Variants in ADK observed in about 807,000 individuals in gnomAD.
ADK encodes N6,N6-dimethyladenosine kinase.
ADK carries 24 observed loss-of-function variants against 44.7 expected under a neutral mutation model. The observed-to-expected ratio is 0.54, with a 90% CI of 0.39 to 0.76. The LOEUF (loss-of-function observed/expected upper bound fraction) is 0.76, where lower values mean the gene tolerates loss of function less well. ADK is among the 30% of genes least tolerant of loss of function. ADK has a pLI of 0.00. For missense variants in ADK, 321 were observed against 425.1 expected (o/e 0.76, Z 2.15); for synonymous variants, 128 against 142.6 (o/e 0.90, Z 0.73).
intron 9 of ADK, among the ~76,000 whole-genome samples, chr10:74,635,196 G>T (rs529503324): frequency 6.6e-6 from 1 of 152,278 alleles, no homozygotes; most frequent in South Asian, 2.1e-4. Context: ...CATTTAATTA[G>T]ACTACTACTG....
chr10:74,260,245 T>G (rs538187089), intron 3 of ADK, among the ~76,000 whole-genome samples: 1 of 152,264 alleles, frequency 6.6e-6, no homozygotes, highest in African/African-American at 2.4e-5. Context: ...TGTAGTAGAA[T>G]TATAGATTCT....
chr10:74,608,564 C>T (rs533999700), intron 9 of ADK, among the ~76,000 whole-genome samples: 2 of 152,232 alleles, frequency 1.3e-5, no homozygotes, highest in African/African-American at 4.8e-5. Flanking sequence ...GCAGAGGCTG[C>T]AGAACAGCAA....
rs565784829 is a variant in ADK at position 74,469,227 on chromosome 10, T to C, written c.556-56029T>C. Among the ~76,000 whole-genome samples the C allele has an allele frequency of 4.6e-5, 7 of 152,250 alleles. No individual in the cohort carries two copies. In the East Asian group the frequency reaches 9.7e-4, roughly 21 times the overall value. ...GATAGTGCGCACTTGTAGTCTGAGC[T>C]ACTCGGGAGGCTAAGGTGAGAAAAT... is the stretch of plus-strand genomic sequence containing the variant. On this transcript the variant is annotated intron_variant, in intron 6 of 10. Transcript: ENST00000539909.
intron 2 of ADK, among the ~76,000 whole-genome samples, chr10:74,220,966 G>A (rs990926566): frequency 1.3e-5 from 2 of 150,876 alleles, no homozygotes; most frequent in African/African-American, 4.9e-5. Flanking sequence ...GCACAAGACA[G>A]GGATGCCCTC....
At chr10:74,383,130 G>GTAA (rs960867768) in intron 4 of ADK, among the ~76,000 whole-genome samples, 30 of 151,556 alleles carry the variant, frequency 2.0e-4, no homozygotes, top group Non-Finnish European at 1.6e-4. Flanking sequence ...AATTACAACA[G>GTAA]TAATAATAAT....
intron 1 of ADK, among the ~76,000 whole-genome samples, chr10:74,159,615 T>C (rs1431860530): frequency 6.6e-6 from 1 of 151,918 alleles, no homozygotes; most frequent in African/African-American, 2.4e-5. Context: ...TTTTTTGAGA[T>C]GGAGTCTTGA....
chr10:74,405,209 T>G (rs1487862173), intron 6 of ADK, among the ~76,000 whole-genome samples: 1 of 152,122 alleles, frequency 6.6e-6, no homozygotes, highest in Admixed American at 6.5e-5. Context: ...AGACTTTTCT[T>G]AGTACTCCAT....
At chr10:74,180,518 G>A (rs902916018) in intron 1 of ADK, among the ~76,000 whole-genome samples, 1 of 146,946 alleles carries the variant, frequency 6.8e-6, no homozygotes, top group Non-Finnish European at 1.5e-5. Flanking sequence ...GGAGTGCAGT[G>A]GTGCGATCCG....
chr10:74,277,549 A>T (rs901186283), intron 3 of ADK, among the ~76,000 whole-genome samples: 1 of 152,014 alleles, frequency 6.6e-6, no homozygotes, highest in African/African-American at 2.4e-5. Flanking sequence ...GGCACCCGCC[A>T]CCATGCCTGG....
intron 1 of ADK, among the ~76,000 whole-genome samples, chr10:74,190,150 A>G (rs1376831659): frequency 6.6e-6 from 1 of 152,220 alleles, no homozygotes; most frequent in Non-Finnish European, 1.5e-5. Context: ...TTTTTGAGCA[A>G]CTGCCAAACT....
intron 9 of ADK, among the ~76,000 whole-genome samples, chr10:74,662,231 C>T (rs1250775878): frequency 6.6e-6 from 1 of 152,126 alleles, no homozygotes; most frequent in African/African-American, 2.4e-5. Flanking sequence ...TTATTGACCC[C>T]ACCCTCAACC....
intron 3 of ADK, among the ~76,000 whole-genome samples, chr10:74,288,753 A>G (rs1008857469): frequency 2.0e-5 from 3 of 152,164 alleles, no homozygotes; most frequent in African/African-American, 7.2e-5. Flanking sequence ...TATTTCAGTG[A>G]AGTTGAGCTA....
rs541007210 is a variant in ADK, at chr10:74,578,953, T to C, written c.727-10329T>C. Among the ~76,000 whole-genome samples the C allele has an allele frequency of 4.6e-5, 7 of 152,234 alleles. No individual in the cohort carries two copies. In the East Asian group the frequency reaches 1.2e-3, roughly 25 times the overall value. On this transcript the variant is annotated intron_variant, in intron 7 of 10. Coordinates refer to ENST00000539909, the MANE Select transcript of ADK (RefSeq NM_006721.4). ...CCACCATATTTTTACATGTACATGT[T>C]TGGTACAGGCTTATGGTGGCATGTA...
intron 4 of ADK, among the ~76,000 whole-genome samples, chr10:74,389,110 A>G (rs1179901584): frequency 6.6e-6 from 1 of 152,220 alleles, no homozygotes; most frequent in East Asian, 1.9e-4. Context: ...GGTTTACAGC[A>G]CAACAGTAAT....
At chr10:74,454,212 TGGTG>T (rs879395431) in intron 6 of ADK, among the ~76,000 whole-genome samples, 1 of 152,166 alleles carries the variant, frequency 6.6e-6, no homozygotes, top group African/African-American at 2.4e-5. Flanking sequence ...TACTGTTTGT[TGGTG>T]GCATACTTTG....
chr10:74,481,447 T>A (rs1847068899), intron 6 of ADK, among the ~76,000 whole-genome samples: 1 of 152,194 alleles, frequency 6.6e-6, no homozygotes, highest in South Asian at 2.1e-4. Context: ...ATTTACTATA[T>A]TTTTATCAGT....
chr10:74,582,479 G>A (rs1338050281), intron 7 of ADK, among the ~76,000 whole-genome samples: 1 of 152,108 alleles, frequency 6.6e-6, no homozygotes, highest in East Asian at 1.9e-4. Context: ...TTTTGATGAA[G>A]CACTTTTTCC....
At chr10:74,217,562 G>C (rs1844103662) in intron 2 of ADK, among the ~76,000 whole-genome samples, 1 of 152,216 alleles carries the variant, frequency 6.6e-6, no homozygotes, top group Non-Finnish European at 1.5e-5. Flanking sequence ...CGGGCAGACT[G>C]CCTCCTCAAG....
chr10:74,640,566 A>G (rs143900425), intron 9 of ADK, among the ~76,000 whole-genome samples: 15 of 152,326 alleles, frequency 9.8e-5, no homozygotes, highest in South Asian at 4.1e-4. Flanking sequence ...AATCTCTAAT[A>G]TATCTTTCAG....
Sources: allele counts gnomAD v4.1 joint callset (sites outside exome capture counted in the v4.1 genomes callset), GRCh38; gene constraint gnomAD v4.1.1; transcripts MANE v1.5; gene names NCBI Gene and HGNC (gene_info 2026-07-23, HGNC 2026-07-21).